The following DOCK10 variants were observed in gnomAD, a reference collection of about 807,000 sequenced individuals.
DOCK10 encodes dedicator of cytokinesis protein 10.
DOCK10 carries 145 observed loss-of-function variants against 280.1 expected under a neutral mutation model. The ratio of observed to expected loss-of-function variants is 0.52; its 90% CI spans 0.45 to 0.59. The LOEUF is 0.59. Among genes scored for constraint, DOCK10 ranks in the 20% least tolerant of loss-of-function variants. The pLI, the probability that DOCK10 is intolerant of heterozygous loss-of-function variation, is 0.00. For missense variants in DOCK10, 2,368 were observed against 2,651.7 expected (o/e 0.89, Z 2.35); for synonymous variants, 915 against 942.2 (o/e 0.97, Z 0.53).
chr2:224,798,344 T>G (rs1195024567), intron 41 of DOCK10, among the ~76,000 whole-genome samples: 1 of 152,116 alleles, frequency 6.6e-6, no homozygotes, highest in Non-Finnish European at 1.5e-5. Context: ...GGCCTTGATT[T>G]GGAAAGGAGC....
rs138206640 is a variant in DOCK10 at position 224,858,785 on chromosome 2, A to G, written c.1686-1803T>C. On this transcript the variant is annotated intron_variant, in intron 14 of 55. Coordinates refer to ENST00000258390, the MANE Select transcript of DOCK10 (RefSeq NM_014689.3). ...GTTGAGCAATGATCAGTATATTGTG[A>G]GGATCTCAGCACCATGATCTTTGGG... 4.6e-3 allele frequency among the ~76,000 whole-genome samples: 699 copies of G among 152,320 alleles called. 5 individuals carry two copies. Among genetic ancestry groups the G allele is most frequent in the African/African-American group, 0.016 (666 of 41,576 alleles).
intron 1 of DOCK10, among the ~76,000 whole-genome samples, chr2:224,934,909 A>C (rs1475118133): frequency 7.2e-5 from 11 of 152,208 alleles, no homozygotes; most frequent in African/African-American, 1.9e-4. Flanking sequence ...GTCACTCTGC[A>C]TGGGAAAAGG....
chr2:224,813,699 A>G (rs564671768), intron 31 of DOCK10, among the ~76,000 whole-genome samples: 1 of 152,338 alleles, frequency 6.6e-6, no homozygotes, highest in South Asian at 2.1e-4. Flanking sequence ...CAAATTAAAC[A>G]TACTGACTTT....
Position 224,805,304 on chromosome 2 carries a change from G to T in DOCK10, c.3953C>A (p.Ser1318Tyr). ...AAATCGAAGAGTTGAGCCAATCAAA[G>T]ACAAGGGTCTTGGGATCTGGGAATT... ...DNCEKIPRPL[S>Y]LIGSTLRFDK... is the part of the protein sequence containing the mutation. Residue 1318 changes from serine (S) to tyrosine (Y), a missense_variant, in exon 36 of 56, where the codon TCT becomes TAT. Coordinates refer to ENST00000258390, the MANE Select transcript of DOCK10 (RefSeq NM_014689.3). The surrounding 1 kb of genome is among the most constrained non-coding windows in gnomAD (Gnocchi z 4.3). The T allele has an allele frequency of 1.7e-5, 28 of 1,613,028 alleles. No individual in the cohort carries two copies. Among genetic ancestry groups the T allele is most frequent in the Non-Finnish European group, 2.4e-5 (28 of 1,179,300 alleles).
At chr2:224,975,907 C>A (rs1436463808) in intron 1 of DOCK10, among the ~76,000 whole-genome samples, 1 of 152,144 alleles carries the variant, frequency 6.6e-6, no homozygotes, top group African/African-American at 2.4e-5. Context: ...CCCTCACTGG[C>A]CTCTCTTGTT....
At chr2:224,972,793 T>A (rs987686505) in intron 1 of DOCK10, among the ~76,000 whole-genome samples, 3 of 152,232 alleles carry the variant, frequency 2.0e-5, no homozygotes, top group African/African-American at 4.8e-5. Context: ...TAATTTCAGT[T>A]GTATTAAAGG....
chr2:224,845,730 T>C (rs1048752888), intron 19 of DOCK10, 88 bp from the exon 20 acceptor site: 10 of 482,546 alleles, frequency 2.1e-5, no homozygotes, highest in African/African-American at 4.2e-5. Context: ...TTAAACAATC[T>C]TTTTTTTTTT....
chr2:224,836,267 C>A (rs570732147), intron 25 of DOCK10, among the ~76,000 whole-genome samples: 55 of 152,134 alleles, frequency 3.6e-4, no homozygotes, highest in Non-Finnish European at 6.6e-4. Flanking sequence ...TTCATCGATA[C>A]TCTATAAAAC....
chr2:224,919,068 T>C (rs62647509), intron 2 of DOCK10, among the ~76,000 whole-genome samples: 34,591 of 149,938 alleles, frequency 0.23, 4,353 homozygotes, highest in Non-Finnish European at 0.28. Context: ...GGTGTATGTG[T>C]GGTGTGTGTG....
intron 27 of DOCK10, among the ~76,000 whole-genome samples, chr2:224,828,060 G>T (rs1250367734): frequency 2.6e-5 from 4 of 152,176 alleles, no homozygotes; most frequent in Non-Finnish European, 5.9e-5. Context: ...CTAGAAATCA[G>T]GCAAACCCTT....
intron 1 of DOCK10, among the ~76,000 whole-genome samples, chr2:224,951,761 A>G (rs960588718): frequency 1.3e-5 from 2 of 152,146 alleles, no homozygotes; most frequent in African/African-American, 4.8e-5. Context: ...ACAGGGTGGT[A>G]TCTCTTTCTG....
chr2:224,808,442 G>A (rs1441983942), intron 31 of DOCK10, among the ~76,000 whole-genome samples: 1 of 152,136 alleles, frequency 6.6e-6, no homozygotes, highest in African/African-American at 2.4e-5. Context: ...GAGTCTTTGA[G>A]GATACTTGAA....
chr2:224,813,095 C>T (rs529353513), intron 31 of DOCK10, among the ~76,000 whole-genome samples: 3 of 152,296 alleles, frequency 2.0e-5, no homozygotes, highest in African/African-American at 7.2e-5. Context: ...TCTCATCGCA[C>T]AGACTTAAAA....
At chr2:224,901,433 T>C (rs780426376) in intron 3 of DOCK10, among the ~76,000 whole-genome samples, 4 of 152,230 alleles carry the variant, frequency 2.6e-5, no homozygotes, top group Non-Finnish European at 4.4e-5. Flanking sequence ...GATGGTTAAT[T>C]ACTCCAAACA....
At chr2:224,879,606 A>C (rs1420882922) in intron 7 of DOCK10, among the ~76,000 whole-genome samples, 3 of 152,016 alleles carry the variant, frequency 2.0e-5, no homozygotes, top group African/African-American at 7.3e-5. Flanking sequence ...AAAAATACAA[A>C]AATTAGCTGG....
At chr2:225,003,365 T>C (rs1476636626) in intron 1 of DOCK10, among the ~76,000 whole-genome samples, 1 of 152,180 alleles carries the variant, frequency 6.6e-6, no homozygotes, top group East Asian at 1.9e-4. Context: ...TTTTTCAGTT[T>C]GAGTTTTGGG....
At chr2:224,893,707 AAAGAAT>A (rs1699832430) in intron 4 of DOCK10, 1 of 417,454 alleles carries the variant, frequency 2.4e-6, no homozygotes, top group East Asian at 7.5e-5. Flanking sequence ...ATTTAAATTT[AAAGAAT>A]AAATTTCACC....
At chr2:224,948,064 T>C (rs962770414) in intron 1 of DOCK10, among the ~76,000 whole-genome samples, 2 of 152,184 alleles carry the variant, frequency 1.3e-5, no homozygotes, top group Non-Finnish European at 2.9e-5. Context: ...GTATGTTCAG[T>C]TTTTTTCTAC....
At chr2:224,785,021 A>C (rs189697940) in intron 50 of DOCK10, among the ~76,000 whole-genome samples, 187 of 152,252 alleles carry the variant, frequency 1.2e-3, no homozygotes, top group African/African-American at 4.3e-3. Context: ...GCCTGTGGCC[A>C]TCTCCCTTGA....
Sources: allele counts gnomAD v4.1 joint callset (sites outside exome capture counted in the v4.1 genomes callset), GRCh38; gene constraint gnomAD v4.1.1; non-coding constraint Gnocchi (gnomAD v3.1); transcripts MANE v1.5; gene names NCBI Gene and HGNC (gene_info 2026-07-23, HGNC 2026-07-21).